The following RAPGEF2 variants were observed in gnomAD, a reference collection of about 807,000 sequenced individuals.
RAPGEF2 encodes the protein Rap guanine nucleotide exchange factor 2.
In RAPGEF2, 54 loss-of-function variants were observed where a neutral mutation model predicts 186.7. The ratio of observed to expected loss-of-function variants is 0.29; its 90% CI spans 0.23 to 0.36. The LOEUF (loss-of-function observed/expected upper bound fraction) is 0.36, where lower values mean the gene tolerates loss of function less well. Ranked by LOEUF, RAPGEF2 falls within the 10% of genes least tolerant of loss-of-function variation. RAPGEF2 has a pLI of 1.00. For missense variants in RAPGEF2, 1,532 were observed against 2,045.0 expected (o/e 0.75, Z 4.84); for synonymous variants, 712 against 705.9 (o/e 1.01, Z -0.14).
At chr4:159,144,113 A>T (rs1223238647) in intron 1 of RAPGEF2, among the ~76,000 whole-genome samples, 8 of 152,318 alleles carry the variant, frequency 5.3e-5, no homozygotes, top group Admixed American at 1.3e-4. Context: ...GGAGCAAATC[A>T]CTATTGAAAA....
chr4:159,290,255 A>G (rs1490452546), intron 7 of RAPGEF2, among the ~76,000 whole-genome samples: 1 of 152,180 alleles, frequency 6.6e-6, no homozygotes, highest in Non-Finnish European at 1.5e-5. Context: ...TCCTAAGGTG[A>G]ATTGAGGCTG....
chr4:159,200,247 C>T (rs1031250060), intron 3 of RAPGEF2, among the ~76,000 whole-genome samples: 2 of 152,010 alleles, frequency 1.3e-5, no homozygotes, highest in Non-Finnish European at 2.9e-5. Flanking sequence ...GTGGGTGGAT[C>T]GCTTGAGCCC....
chr4:159,121,922 C>T (rs1019509165), intron 1 of RAPGEF2, among the ~76,000 whole-genome samples: 3 of 149,798 alleles, frequency 2.0e-5, no homozygotes, highest in Admixed American at 6.7e-5. Context: ...CCTGTACTCC[C>T]AGCTACTCGG....
chr4:159,292,606 G>A (rs979815256), intron 7 of RAPGEF2, among the ~76,000 whole-genome samples: 1 of 151,872 alleles, frequency 6.6e-6, no homozygotes, highest in African/African-American at 2.4e-5. Context: ...AATGAAATAA[G>A]TTTACTTCTA....
At chr4:159,172,662 CTG>C (rs1263242682) in intron 1 of RAPGEF2, among the ~76,000 whole-genome samples, 1 of 152,252 alleles carries the variant, frequency 6.6e-6, no homozygotes, top group African/African-American at 2.4e-5. Flanking sequence ...GCTACTTCCT[CTG>C]TAAGTGGGGG....
chr4:159,332,194 C>T (rs1177003314), intron 16 of RAPGEF2, among the ~76,000 whole-genome samples, 160 bp downstream of exon 16: 2 of 151,914 alleles, frequency 1.3e-5, no homozygotes, highest in Non-Finnish European at 2.9e-5. Flanking sequence ...TTATTGATAA[C>T]TGAAATCTTT....
intron 3 of RAPGEF2, among the ~76,000 whole-genome samples, chr4:159,207,310 A>G (rs553857016): frequency 6.6e-6 from 1 of 152,360 alleles, no homozygotes; most frequent in Admixed American, 6.5e-5. Flanking sequence ...ATGCTAGAGC[A>G]TTCACTGCCA....
intron 7 of RAPGEF2, among the ~76,000 whole-genome samples, chr4:159,296,270 G>C (rs1762019335): frequency 6.6e-6 from 1 of 152,196 alleles, no homozygotes. Flanking sequence ...TCAATTGGAT[G>C]ACTCAAAAAG....
intron 1 of RAPGEF2, among the ~76,000 whole-genome samples, chr4:159,139,552 A>T (rs1406296490): frequency 6.6e-6 from 1 of 152,130 alleles, no homozygotes; most frequent in Non-Finnish European, 1.5e-5. Context: ...TCTGAAATAC[A>T]TGGAGTGTGA....
intron 1 of RAPGEF2, among the ~76,000 whole-genome samples, chr4:159,171,661 C>G (rs1486642191): frequency 2.0e-5 from 3 of 149,600 alleles, no homozygotes; most frequent in Admixed American, 6.6e-5. Context: ...AGATATCTTT[C>G]ATGTAAAAGG....
chr4:159,273,470 G>A (rs1284221329), intron 7 of RAPGEF2, among the ~76,000 whole-genome samples: 1 of 151,390 alleles, frequency 6.6e-6, no homozygotes, highest in Non-Finnish European at 1.5e-5. Context: ...AATATTTTTA[G>A]TAATGATCCA....
At chr4:159,259,910 GT>G (rs1756607164) in intron 7 of RAPGEF2, among the ~76,000 whole-genome samples, 1 of 151,944 alleles carries the variant, frequency 6.6e-6, no homozygotes, top group Admixed American at 6.5e-5. Context: ...CCATTTCTAA[GT>G]TTGGCAACTT....
intron 1 of RAPGEF2, among the ~76,000 whole-genome samples, chr4:159,156,799 G>A (rs905044727): frequency 2.9e-4 from 44 of 152,024 alleles, no homozygotes; most frequent in African/African-American, 1.0e-3. Context: ...CAGGTGCAGC[G>A]TCCAACTAAC....
intron 1 of RAPGEF2, among the ~76,000 whole-genome samples, chr4:159,155,118 A>G (rs936344691): frequency 6.6e-6 from 1 of 152,282 alleles, no homozygotes; most frequent in Middle Eastern, 3.4e-3. Context: ...AGAGATTAAC[A>G]CAGTGAAACT....
intron 4 of RAPGEF2, among the ~76,000 whole-genome samples, chr4:159,212,570 G>T (rs963821527): frequency 9.2e-5 from 14 of 151,898 alleles, no homozygotes; most frequent in Non-Finnish European, 1.5e-4. Context: ...TATATGTGTT[G>T]CCTTATAATA....
At chr4:159,125,615 G>C (rs549200152) in intron 1 of RAPGEF2, among the ~76,000 whole-genome samples, 1 of 151,930 alleles carries the variant, frequency 6.6e-6, no homozygotes, top group Admixed American at 6.6e-5. Context: ...AAATTTAGCC[G>C]GGCATGGTGG....
In RAPGEF2 at chr4:159,147,061, G is replaced by T. The variant is rs1016759595; in HGVS notation, c.70-39581G>T. 5.3e-5 allele frequency among the ~76,000 whole-genome samples: 8 copies of T among 152,294 alleles called. No individual in the cohort carries two copies. The East Asian group carries it at 1.5e-3, about 29-fold the overall frequency. On this transcript the variant is annotated intron_variant, in intron 1 of 29. Transcript: ENST00000691494. The stretch of plus-strand genomic sequence containing the variant: ...GTTTCCTCCCCACTGGCCTCCCAAA[G>T]TTCTGGGATTACAGGCATGGGCCAC...
chr4:159,120,129 C>T (rs951158769), intron 1 of RAPGEF2, among the ~76,000 whole-genome samples: 14 of 152,168 alleles, frequency 9.2e-5, no homozygotes, highest in African/African-American at 2.7e-4. Context: ...AGGCAATTCT[C>T]GTGTCTCAGC....
At chr4:159,147,619 G>A (rs1178633718) in intron 1 of RAPGEF2, among the ~76,000 whole-genome samples, 1 of 152,238 alleles carries the variant, frequency 6.6e-6, no homozygotes, top group Non-Finnish European at 1.5e-5. Flanking sequence ...AGTTGCTCCT[G>A]AAGATATTTA....
Sources: gnomAD v4.1 joint callset for allele counts (sites outside exome capture counted in the v4.1 genomes callset) on GRCh38, gnomAD v4.1.1 for gene constraint, MANE v1.5 for transcripts, NCBI Gene and HGNC (gene_info 2026-07-23, HGNC 2026-07-21) for gene names.